Variants in RNF11 observed in about 807,000 individuals in gnomAD.
RNF11 encodes the protein ring finger protein 11.
RNF11 carries 4 observed loss-of-function variants against 15.8 expected under a neutral mutation model. The observed-to-expected ratio is 0.25, with a 90% CI of 0.12 to 0.58. The LOEUF (loss-of-function observed/expected upper bound fraction) is 0.58, where lower values mean the gene tolerates loss of function less well. Among genes scored for constraint, RNF11 ranks in the 20% least tolerant of loss-of-function variants. RNF11 has a pLI of 0.91. For missense variants in RNF11, 139 were observed against 194.4 expected (o/e 0.71, Z 1.70); for synonymous variants, 68 against 72.3 (o/e 0.94, Z 0.30).
intron 1 of RNF11, among the ~76,000 whole-genome samples, chr1:51,257,419 T>C (rs979279932): frequency 1.3e-5 from 2 of 152,124 alleles, no homozygotes; most frequent in Non-Finnish European, 2.9e-5. Flanking sequence ...ACTTGGAGTT[T>C]TTATTTTAAT....
At chr1:51,238,395 G>A (rs1339267413) in intron 1 of RNF11, among the ~76,000 whole-genome samples, 4 of 152,124 alleles carry the variant, frequency 2.6e-5, no homozygotes, top group Non-Finnish European at 2.9e-5. Flanking sequence ...CTGTGTTTCC[G>A]GTTTGCTGTT....
rs189514417 is a variant in RNF11, at chr1:51,271,674, C to G, written c.*352C>G. The G allele has an allele frequency of 1.7e-3, 270 of 159,848 alleles. No individual in the cohort carries two copies. The highest frequency in any genetic ancestry group is 6.4e-3 in the African/African-American group (267 of 41,788). 9.9% of individuals were successfully genotyped at this position (159,848 alleles called of 1,614,324 possible). A position where few individuals can be genotyped will look rare whatever the true frequency, so the allele number is the denominator to read the frequency against. ...AGGAAAAAGATAGTAGTTATTTTTCCTAAATGAAATAACTTTCTTCTCTTC... is the reference window on the plus strand; with the variant it reads ...AGGAAAAAGATAGTAGTTATTTTTCGTAAATGAAATAACTTTCTTCTCTTC... On this transcript the variant is annotated 3_prime_UTR_variant, in exon 3 of 3. Transcript: ENST00000242719.
intron 1 of RNF11, among the ~76,000 whole-genome samples, chr1:51,242,879 A>G (rs1012843566): frequency 3.9e-5 from 6 of 152,152 alleles, no homozygotes; most frequent in Non-Finnish European, 7.4e-5. Context: ...ATATCTCCAA[A>G]TTTATTTCAC....
chr1:51,236,865 C>G lies in RNF11; in HGVS notation c.109C>G (p.Pro37Ala), dbSNP rs745307157. The change falls in exon 1 of 3, where the codon CCG (proline) becomes GCG (alanine). Residue 37 changes from proline to alanine, a missense_variant. Transcript: ENST00000242719. Reference sequence around the variant, plus strand: ...GGGGACGGAGCCGGATCAGGAGCCGCCGCCGCCATATCAGGTAGGGGAGGG... The same window carrying G: ...GGGGACGGAGCCGGATCAGGAGCCGGCGCCGCCATATCAGGTAGGGGAGGG... The part of the protein sequence containing the change: ...GEGTEPDQEP[P>A]PPYQEQVPVP... The G allele has an allele frequency of 6.2e-6, 10 of 1,610,222 alleles. No homozygotes were observed. The highest frequency in any genetic ancestry group is 7.6e-6 in the Non-Finnish European group (9 of 1,178,394).
At chr1:51,253,973 A>C (rs1646892895) in intron 1 of RNF11, among the ~76,000 whole-genome samples, 2 of 152,146 alleles carry the variant, frequency 1.3e-5, no homozygotes, top group Non-Finnish European at 2.9e-5. Flanking sequence ...ATCTCTAAAA[A>C]AAAAAAAGGG....
chr1:51,254,136 G>T (rs1406989904), intron 1 of RNF11, among the ~76,000 whole-genome samples: 1 of 152,180 alleles, frequency 6.6e-6, no homozygotes, highest in Admixed American at 6.5e-5. Context: ...GAATATTGGG[G>T]GGTTCCCCCT....
chr1:51,251,053 A>G lies in RNF11; in HGVS notation c.123+14174A>G, dbSNP rs561504753. ...ATGGCGGTGGCCACCTCCTTGGAGC[A>G]CTTAACACCCAGACCGACGTGGCCA... On this transcript the variant is annotated intron_variant, in intron 1 of 2. Transcript: ENST00000242719. 2.0e-6 allele frequency: 3 copies of G among 1,535,696 alleles called. No individual in the cohort carries two copies. In the South Asian group the frequency reaches 3.4e-5, roughly 17 times the overall value.
Position 51,247,915 on chromosome 1 carries a change from C to T in RNF11, c.123+11036C>T, listed in dbSNP as rs1646859453. Among the ~76,000 whole-genome samples the T allele has an allele frequency of 2.0e-5, 3 of 152,256 alleles. No individual in the cohort carries two copies. The South Asian group carries it at 6.2e-4, about 32-fold the overall frequency. On this transcript the variant is annotated intron_variant, in intron 1 of 2. Transcript: ENST00000242719. Reference sequence around the variant, plus strand: ...AAACTCTTAAAATTTTCTGAACACTCATAAAGTTGAATGGCTTTAAGAAGA... The same window carrying T: ...AAACTCTTAAAATTTTCTGAACACTTATAAAGTTGAATGGCTTTAAGAAGA...
chr1:51,266,676 T>A (rs1297207006), intron 1 of RNF11, among the ~76,000 whole-genome samples: 1 of 152,158 alleles, frequency 6.6e-6, no homozygotes, highest in East Asian at 1.9e-4. Flanking sequence ...TTGCCCAGGC[T>A]GGTCTCAAAC....
intron 1 of RNF11, among the ~76,000 whole-genome samples, chr1:51,241,624 T>TG (rs1237603458): frequency 1.3e-5 from 2 of 152,204 alleles, no homozygotes; most frequent in African/African-American, 4.8e-5. Context: ...TCCCTATTCT[T>TG]GAAGTATTGG....
At chr1:51,251,045 C>T (rs1256352498) in intron 1 of RNF11, 4 of 1,529,610 alleles carry the variant, frequency 2.6e-6, no homozygotes, top group Non-Finnish European at 3.6e-6. Flanking sequence ...TGGCCACCTC[C>T]TTGGAGCACT....
intron 1 of RNF11, chr1:51,264,824 T>C (rs1008640044): frequency 6.6e-6 from 1 of 152,328 alleles, no homozygotes; most frequent in African/African-American, 2.4e-5. Context: ...CAACTTTTAA[T>C]GTAGTGCCCT....
At chr1:51,238,156 C>T (rs1355253791) in intron 1 of RNF11, among the ~76,000 whole-genome samples, 1 of 152,140 alleles carries the variant, frequency 6.6e-6, no homozygotes, top group Non-Finnish European at 1.5e-5. Context: ...GCTTGGAGCC[C>T]TTCGCCCGGG....
intron 1 of RNF11, among the ~76,000 whole-genome samples, chr1:51,262,097 C>T (rs1482943743): frequency 1.3e-5 from 2 of 152,038 alleles, no homozygotes; most frequent in Non-Finnish European, 2.9e-5. Flanking sequence ...TCAGGTGATC[C>T]ACCCGCCTTG....
chr1:51,236,922 C>G (rs1034239322), intron 1 of RNF11, 43 bp downstream of exon 1: 1 of 1,574,552 alleles, frequency 6.4e-7, no homozygotes, highest in East Asian at 2.4e-5. Flanking sequence ...AGAGGCAGCT[C>G]TGGCGGAGAT....
At chr1:51,256,605 T>G (rs1646905369) in intron 1 of RNF11, among the ~76,000 whole-genome samples, 1 of 152,226 alleles carries the variant, frequency 6.6e-6, no homozygotes, top group Non-Finnish European at 1.5e-5. Flanking sequence ...GATCAAATGG[T>G]AATAATATGT....
intron 1 of RNF11, among the ~76,000 whole-genome samples, chr1:51,246,161 A>G (rs1466913738): frequency 6.6e-6 from 1 of 151,868 alleles, no homozygotes; most frequent in African/African-American, 2.4e-5. Context: ...GCTACTTGGG[A>G]GGCTGAGGCA....
chr1:51,237,524 G>A (rs1646810545), intron 1 of RNF11, among the ~76,000 whole-genome samples: 1 of 150,786 alleles, frequency 6.6e-6, no homozygotes, highest in African/African-American at 2.4e-5. Flanking sequence ...TTTTAAACGT[G>A]CTGACTTAAG....
Position 51,271,318 on chromosome 1 carries a change from A to G in RNF11, c.461A>G (p.Asn154Ser), listed in dbSNP as rs1646977563. The change falls in exon 3 of 3, where the codon AAT becomes AGT. Residue 154 changes from asparagine (N) to serine (S), a missense_variant. Coordinates refer to ENST00000242719, the MANE Select transcript of RNF11 (RefSeq NM_014372.5). ...DAALLSSYET[N>S] ...GCACTGCTTTCATCCTATGAGACTA[A>G]TTGAGCCAGGGTCTCTTATCTGACT... 2 of 1,610,360 alleles carry G rather than the reference A, an allele frequency of 1.2e-6. No individual in the cohort carries two copies. Among genetic ancestry groups the G allele is most frequent in the African/African-American group, 2.7e-5 (2 of 74,868 alleles).
Sources: allele counts gnomAD v4.1 joint callset (sites outside exome capture counted in the v4.1 genomes callset), GRCh38; gene constraint gnomAD v4.1.1; transcripts MANE v1.5; gene names NCBI Gene and HGNC (gene_info 2026-07-23, HGNC 2026-07-21).